The following BHLHE22 variants were observed in gnomAD, a reference collection of about 807,000 sequenced individuals.
The protein encoded by BHLHE22 is basic helix-loop-helix family member e22, also known as class E basic helix-loop-helix protein 22.
A neutral mutation model predicts 17.6 loss-of-function variants in BHLHE22; 8 were observed. The ratio of observed to expected loss-of-function variants is 0.45; its 90% CI spans 0.27 to 0.82. The LOEUF (loss-of-function observed/expected upper bound fraction) is 0.82. Ranked by LOEUF, BHLHE22 falls within the 40% of genes least tolerant of loss-of-function variation. The pLI, the probability that BHLHE22 is intolerant of heterozygous loss-of-function variation, is 0.16. For synonymous variants in BHLHE22, 353 were observed against 282.7 expected (o/e 1.25, Z -2.49); for missense variants, 570 against 581.5 (o/e 0.98, Z 0.20).
At position 64,581,420 on chromosome 8, in the gene BHLHE22, C is replaced by T; in HGVS notation, c.630C>T (p.Ser210=). 4 of 1,535,624 alleles carry T rather than the reference C, an allele frequency of 2.6e-6. No homozygotes were observed. Among genetic ancestry groups the T allele is most frequent in the Non-Finnish European group, 3.5e-6 (4 of 1,146,138 alleles). The change falls in exon 1 of 1, where the codon AGC becomes AGT. Residue 210 remains serine, a synonymous_variant. Coordinates refer to ENST00000321870, the MANE Select transcript of BHLHE22 (RefSeq NM_152414.5). The surrounding 1 kb of genome is among the most constrained non-coding windows in gnomAD (Gnocchi z 6.4). The part of the protein sequence containing the change: ...LGGGGGGGSS[S]GSSGGGGGSG... Reference sequence around the variant, plus strand: ...GCGGCGGCGGCGGGGGTAGCAGCAGCGGTAGCAGTGGCGGCGGTGGCGGTA... The same window carrying T: ...GCGGCGGCGGCGGGGGTAGCAGCAGTGGTAGCAGTGGCGGCGGTGGCGGTA...
rs1232631346 is a variant in BHLHE22, at chr8:64,581,436, G to T, written c.646G>T (p.Gly216Cys). Reference sequence around the variant, plus strand: ...TAGCAGCAGCGGTAGCAGTGGCGGCGGTGGCGGTAGCGGTAGCGGCAGCGG... The same window carrying T: ...TAGCAGCAGCGGTAGCAGTGGCGGCTGTGGCGGTAGCGGTAGCGGCAGCGG... ...GGSSSGSSGG[G>C]GGSGSGSGGS... The change falls in exon 1 of 1, where the codon GGT (glycine) becomes TGT (cysteine). Residue 216 changes from glycine to cysteine, a missense_variant. Gly to Cys is a radical substitution (Grantham distance 159). Coordinates refer to ENST00000321870, the MANE Select transcript of BHLHE22 (RefSeq NM_152414.5). The surrounding 1 kb of genome is among the most constrained non-coding windows in gnomAD (Gnocchi z 6.4). The T allele has an allele frequency of 6.5e-7, 1 of 1,536,592 alleles. No individual in the cohort carries two copies. The highest frequency in any genetic ancestry group is 8.7e-7 in the Non-Finnish European group (1 of 1,146,170).
rs1804919265 is a variant in BHLHE22, at chr8:64,582,473, G to A, written c.*537G>A. 5.9e-6 allele frequency: 1 copy of A among 168,674 alleles called. No homozygotes were observed. 10.4% of individuals were successfully genotyped at this position (168,674 alleles called of 1,614,324 possible). A position where few individuals can be genotyped will look rare whatever the true frequency, so the allele number is the denominator to read the frequency against. On this transcript the variant is annotated 3_prime_UTR_variant, in exon 1 of 1. Transcript: ENST00000321870. Reference sequence around the variant, plus strand: ...CTGAGCCAGGAGAAAAACTTGAAATGTTGACTTAAGTGAGGGGGAAATAAA... The same window carrying A: ...CTGAGCCAGGAGAAAAACTTGAAATATTGACTTAAGTGAGGGGGAAATAAA...
rs1479703146 is a variant in BHLHE22, at chr8:64,582,854, G to A, written c.*918G>A. ...TATGCTGTGTGCCAAGTGTTTAAAG[G>A]TTTATTTGCCAACAAGTATGAAGAG... is the stretch of plus-strand genomic sequence containing the variant. On this transcript the variant is annotated 3_prime_UTR_variant, in exon 1 of 1. Coordinates refer to ENST00000321870, the MANE Select transcript of BHLHE22 (RefSeq NM_152414.5). 2 of 166,884 alleles carry A rather than the reference G, an allele frequency of 1.2e-5. No individual in the cohort carries two copies. The highest frequency in any genetic ancestry group is 2.4e-5 in the African/African-American group (1 of 41,398). 10.3% of individuals were successfully genotyped at this position (166,884 alleles called of 1,614,324 possible).
chr8:64,580,742 GGCGGCGGCAGCGGGC>G lies in BHLHE22; in HGVS notation c.-40_-26del, dbSNP rs1158594217. 1.8e-5 allele frequency: 19 copies of G among 1,040,440 alleles called. 1 individual carries two copies. Among genetic ancestry groups the G allele is most frequent in the African/African-American group, 1.7e-5 (1 of 58,084 alleles). The allele number at this position is 1,040,440 out of a possible 1,614,324, so 64.5% of individuals were successfully genotyped here. A position where few individuals can be genotyped will look rare whatever the true frequency, so the allele number is the denominator to read the frequency against. On this transcript the variant is annotated 5_prime_UTR_variant, in exon 1 of 1. Coordinates refer to ENST00000321870, the MANE Select transcript of BHLHE22 (RefSeq NM_152414.5). Reference sequence around the variant, plus strand: ...CGCCTGACTCCGGGGCCGAGGCGGCGGCGGCGGCAGCGGGCGCGGCGGCCCGGGCTGCGCGCCGGC... The same window carrying G: ...CGCCTGACTCCGGGGCCGAGGCGGCGGCGGCGGCCCGGGCTGCGCGCCGGC...
Position 64,580,828 on chromosome 8 carries a change from G to T in BHLHE22, c.38G>T (p.Gly13Val), listed in dbSNP as rs781396554. Residue 13 changes from glycine to valine, a missense_variant, in exon 1 of 1, where the codon GGC becomes GTC. Transcript: ENST00000321870. ...ATGCACCTCGGTGCAGCGGCCGCCGGCGAGGACGACCTCTTCCTGCACAAG... is the reference window on the plus strand; with the variant it reads ...ATGCACCTCGGTGCAGCGGCCGCCGTCGAGGACGACCTCTTCCTGCACAAG... Reference protein sequence around the residue: ...RGMHLGAAAAGEDDLFLHKSL... With the variant: ...RGMHLGAAAAVEDDLFLHKSL... 1 of 1,459,462 alleles carries T rather than the reference G, an allele frequency of 6.9e-7. No homozygotes were observed. The highest frequency in any genetic ancestry group is 9.0e-7 in the Non-Finnish European group (1 of 1,110,274). 90.4% of individuals were successfully genotyped at this position (1,459,462 alleles called of 1,614,324 possible). A position where few individuals can be genotyped will look rare whatever the true frequency, so the allele number is the denominator to read the frequency against.
In BHLHE22 at chr8:64,580,895, C is replaced by G. The variant is rs768107179; in HGVS notation, c.105C>G (p.Phe35Leu). 2 of 1,521,440 alleles carry G rather than the reference C, an allele frequency of 1.3e-6. No individual in the cohort carries two copies. Among genetic ancestry groups the G allele is most frequent in the Admixed American group, 4.2e-5 (2 of 48,142 alleles). The allele number at this position is 1,521,440 out of a possible 1,614,324, so 94.2% of individuals were successfully genotyped here. The change falls in exon 1 of 1, where the codon TTC (phenylalanine) becomes TTG (leucine). Residue 35 changes from phenylalanine (F) to leucine (L), a missense_variant. Phe to Leu is a conservative substitution (Grantham distance 22, BLOSUM62 0). Around this residue, in one of 3 missense-constraint regions of BHLHE22, gnomAD observed 427 missense variants for 376.2 expected, o/e 1.14. Transcript: ENST00000321870. ...CCTCCAAGCGCTTGGAAGCGGCTTT[C>G]CGCTCCACGCCCCCGGGCATGGACC... ...ASTSKRLEAAFRSTPPGMDLS... is the reference protein window; with the variant it reads ...ASTSKRLEAALRSTPPGMDLS...
chr8:64,581,055 G>T lies in BHLHE22; in HGVS notation c.265G>T (p.Gly89Ter). 7.5e-7 allele frequency: 1 copy of T among 1,326,232 alleles called. No homozygotes were observed. Among genetic ancestry groups the T allele is most frequent in the Non-Finnish European group, 9.5e-7 (1 of 1,049,176 alleles). The allele number at this position is 1,326,232 out of a possible 1,614,324, so 82.2% of individuals were successfully genotyped here. Residue 89 changes from glycine (G) to a stop codon, truncating the protein, a stop_gained, in exon 1 of 1, where the codon GGA (glycine) becomes TGA (stop). Coordinates refer to ENST00000321870, the MANE Select transcript of BHLHE22 (RefSeq NM_152414.5). LOFTEE classifies it high-confidence loss of function. This position sits in a 1 kb window ranked among gnomAD's most constrained non-coding sequence, Gnocchi z 6.4. ...PPGGGGGGSA[G>*]SGGGGGGGVG... ...TGGAGGAGGCGGCGGCGGCAGCGCG[G>T]GAAGTGGCGGCGGCGGCGGCGGCGG...
At position 64,582,266 on chromosome 8, in the gene BHLHE22, T is replaced by C; in HGVS notation, c.*330T>C. The stretch of plus-strand genomic sequence containing the variant: ...TCTTCCTTAAAGGTGAAACATAAGT[T>C]GAGAAGTAGTGCTTGGTTATTAAGC... On this transcript the variant is annotated 3_prime_UTR_variant, in exon 1 of 1. Transcript: ENST00000321870. 2.6e-6 allele frequency: 1 copy of C among 385,064 alleles called. No individual in the cohort carries two copies. 23.9% of individuals were successfully genotyped at this position (385,064 alleles called of 1,614,324 possible). A position where few individuals can be genotyped will look rare whatever the true frequency, so the allele number is the denominator to read the frequency against.
chr8:64,580,947 C>G lies in BHLHE22; in HGVS notation c.157C>G (p.Arg53Gly). 2.1e-6 allele frequency: 3 copies of G among 1,461,532 alleles called. No homozygotes were observed. The highest frequency in any genetic ancestry group is 2.7e-6 in the Non-Finnish European group (3 of 1,113,118). The allele number at this position is 1,461,532 out of a possible 1,614,324, so 90.5% of individuals were successfully genotyped here. A position where few individuals can be genotyped will look rare whatever the true frequency, so the allele number is the denominator to read the frequency against. The part of the protein sequence containing the change: ...DLSLAPPPRE[R>G]PASSSSSPLG... ...GTCCCTGGCGCCGCCGCCTCGGGAACGCCCGGCGTCCTCCTCCTCGTCGCC... is the reference window on the plus strand; with the variant it reads ...GTCCCTGGCGCCGCCGCCTCGGGAAGGCCCGGCGTCCTCCTCCTCGTCGCC... The change falls in exon 1 of 1, where the codon CGC (arginine) becomes GGC (glycine). Residue 53 changes from arginine to glycine, a missense_variant. Physicochemically the swap from Arg to Gly is moderately radical, Grantham distance 125. This residue lies in a region of BHLHE22 where 427 missense variants were observed against 376.2 expected (regional missense o/e 1.14). Transcript: ENST00000321870.
At position 64,580,666 on chromosome 8, in the gene BHLHE22, G is replaced by T; in HGVS notation, c.-125G>T. The stretch of plus-strand genomic sequence containing the variant: ...GGGAGAGGGCTCCCGGCAGCACCAG[G>T]ACCGACGCGCGCACCAGCTCCGGAG... On this transcript the variant is annotated 5_prime_UTR_variant, in exon 1 of 1. Transcript: ENST00000321870. 2.3e-6 allele frequency: 1 copy of T among 437,618 alleles called. No individual in the cohort carries two copies. The highest frequency in any genetic ancestry group is 9.1e-5 in the South Asian group (1 of 11,028). 27.1% of individuals were successfully genotyped at this position (437,618 alleles called of 1,614,324 possible).
At position 64,581,148 on chromosome 8, in the gene BHLHE22, C is replaced by T; in HGVS notation, c.358C>T (p.Pro120Ser). 2 of 1,407,332 alleles carry T rather than the reference C, an allele frequency of 1.4e-6. No homozygotes were observed. The highest frequency in any genetic ancestry group is 9.2e-7 in the Non-Finnish European group (1 of 1,091,140). The allele number at this position is 1,407,332 out of a possible 1,614,324, so 87.2% of individuals were successfully genotyped here. Reference sequence around the variant, plus strand: ...GGGCGACCCTAGCCTAAGCAGCCTGCCGGCCGGGGCCGCCCTTTGCCTCAA... The same window carrying T: ...GGGCGACCCTAGCCTAAGCAGCCTGTCGGCCGGGGCCGCCCTTTGCCTCAA... ...VGGDPSLSSL[P>S]AGAALCLKYG... The change falls in exon 1 of 1, where the codon CCG becomes TCG. Residue 120 changes from proline to serine, a missense_variant. Around this residue, in one of 3 missense-constraint regions of BHLHE22, gnomAD observed 427 missense variants for 376.2 expected, o/e 1.14. Transcript: ENST00000321870. The surrounding 1 kb of genome is among the most constrained non-coding windows in gnomAD (Gnocchi z 6.4).
Position 64,582,298 on chromosome 8 carries a change from AGT to A in BHLHE22, c.*365_*366del, listed in dbSNP as rs1323578032. 3 of 327,118 alleles carry A rather than the reference AGT, an allele frequency of 9.2e-6. No homozygotes were observed. Among genetic ancestry groups the A allele is most frequent in the Non-Finnish European group, 1.8e-5 (3 of 168,964 alleles). The allele number at this position is 327,118 out of a possible 1,614,324, so 20.3% of individuals were successfully genotyped here. A position where few individuals can be genotyped will look rare whatever the true frequency, so the allele number is the denominator to read the frequency against. On this transcript the variant is annotated 3_prime_UTR_variant, in exon 1 of 1. Coordinates refer to ENST00000321870, the MANE Select transcript of BHLHE22 (RefSeq NM_152414.5). ...TAGTGCTTGGTTATTAAGCCTGGAG[AGT>A]GTTTGAATGGCAAAATACTAATCCT...
rs1250941176 is a variant in BHLHE22 at position 64,582,721 on chromosome 8, G to C, written c.*785G>C. On this transcript the variant is annotated 3_prime_UTR_variant, in exon 1 of 1. Transcript: ENST00000321870. ...TATTAACAATTCATGGTATTTATTTGTTATTCTTCAATGACCCTTCCACAT... is the reference window on the plus strand; with the variant it reads ...TATTAACAATTCATGGTATTTATTTCTTATTCTTCAATGACCCTTCCACAT... 1 of 166,922 alleles carries C rather than the reference G, an allele frequency of 6.0e-6. No homozygotes were observed. The highest frequency in any genetic ancestry group is 1.5e-5 in the Non-Finnish European group (1 of 68,088). The allele number at this position is 166,922 out of a possible 1,614,324, so 10.3% of individuals were successfully genotyped here.
Position 64,583,548 on chromosome 8 carries a change from T to C in BHLHE22, c.*1612T>C, listed in dbSNP as rs900910764. 2.4e-5 allele frequency: 4 copies of C among 167,094 alleles called. No individual in the cohort carries two copies. Among genetic ancestry groups the C allele is most frequent in the Non-Finnish European group, 5.9e-5 (4 of 68,134 alleles). The allele number at this position is 167,094 out of a possible 1,614,324, so 10.4% of individuals were successfully genotyped here. A position where few individuals can be genotyped will look rare whatever the true frequency, so the allele number is the denominator to read the frequency against. On this transcript the variant is annotated 3_prime_UTR_variant, in exon 1 of 1. Coordinates refer to ENST00000321870, the MANE Select transcript of BHLHE22 (RefSeq NM_152414.5). ...ATGATATATATATTAAATAGGTCAATCAGACTATGACAGCTATGTACGACC... is the reference window on the plus strand; with the variant it reads ...ATGATATATATATTAAATAGGTCAACCAGACTATGACAGCTATGTACGACC...
Position 64,581,460 on chromosome 8 carries a change from GGCGGCAGCAGCAGCAGCA to G in BHLHE22, c.673_690del (p.Gly225_Ser230del), listed in dbSNP as rs1253915764. The G allele has an allele frequency of 6.5e-7, 1 of 1,529,470 alleles. No homozygotes were observed. Among genetic ancestry groups the G allele is most frequent in the East Asian group, 2.4e-5 (1 of 40,998 alleles). The allele number at this position is 1,529,470 out of a possible 1,614,324, so 94.7% of individuals were successfully genotyped here. ...CGGTGGCGGTAGCGGTAGCGGCAGC[GGCGGCAGCAGCAGCAGCA>G]GCAGCAGCAGCAGCAAGAAATCCAA... On this transcript the variant is annotated inframe_deletion, in exon 1 of 1. Transcript: ENST00000321870. This position sits in a 1 kb window ranked among gnomAD's most constrained non-coding sequence, Gnocchi z 6.4.
chr8:64,581,412 A>T lies in BHLHE22; in HGVS notation c.622A>T (p.Ser208Cys). The stretch of plus-strand genomic sequence containing the variant: ...CCTGGGCGGCGGCGGCGGCGGGGGT[A>T]GCAGCAGCGGTAGCAGTGGCGGCGG... Reference protein sequence around the residue: ...GGLGGGGGGGSSSGSSGGGGG... With the variant: ...GGLGGGGGGGCSSGSSGGGGG... Residue 208 changes from serine to cysteine, a missense_variant, in exon 1 of 1, where the codon AGC becomes TGC. This residue lies in a region of BHLHE22 where 427 missense variants were observed against 376.2 expected (regional missense o/e 1.14). Coordinates refer to ENST00000321870, the MANE Select transcript of BHLHE22 (RefSeq NM_152414.5). This position sits in a 1 kb window ranked among gnomAD's most constrained non-coding sequence, Gnocchi z 6.4. 1 of 1,531,282 alleles carries T rather than the reference A, an allele frequency of 6.5e-7. No homozygotes were observed. The highest frequency in any genetic ancestry group is 8.7e-7 in the Non-Finnish European group (1 of 1,144,290). The allele number at this position is 1,531,282 out of a possible 1,614,324, so 94.9% of individuals were successfully genotyped here.
In BHLHE22 at chr8:64,581,665, A is replaced by G. The variant is rs746461876; in HGVS notation, c.875A>G (p.Tyr292Cys). The G allele has an allele frequency of 1.2e-6, 2 of 1,612,912 alleles. No individual in the cohort carries two copies. The highest frequency in any genetic ancestry group is 1.7e-6 in the Non-Finnish European group (2 of 1,179,740). ...KIATLLLAKN[Y>C]ILMQAQALEE... Reference sequence around the variant, plus strand: ...GCCACGCTGCTGCTCGCCAAGAACTACATCCTCATGCAGGCGCAGGCCCTG... The same window carrying G: ...GCCACGCTGCTGCTCGCCAAGAACTGCATCCTCATGCAGGCGCAGGCCCTG... Residue 292 changes from tyrosine to cysteine, a missense_variant, in exon 1 of 1, where the codon TAC becomes TGC. Tyr to Cys is a radical substitution (Grantham distance 194). Coordinates refer to ENST00000321870, the MANE Select transcript of BHLHE22 (RefSeq NM_152414.5). The surrounding 1 kb of genome is among the most constrained non-coding windows in gnomAD (Gnocchi z 6.4).
Position 64,581,955 on chromosome 8 carries a change from C to A in BHLHE22, c.*19C>A, listed in dbSNP as rs1366928683. ...GCCTTAAACACACCCCCGAAAAACA[C>A]AAGACCGACCCAAAATCTAGAGGAA... On this transcript the variant is annotated 3_prime_UTR_variant, in exon 1 of 1. Coordinates refer to ENST00000321870, the MANE Select transcript of BHLHE22 (RefSeq NM_152414.5). The surrounding 1 kb of genome is among the most constrained non-coding windows in gnomAD (Gnocchi z 6.4). 6.2e-7 allele frequency: 1 copy of A among 1,609,576 alleles called. No individual in the cohort carries two copies. Among genetic ancestry groups the A allele is most frequent in the Admixed American group, 1.7e-5 (1 of 59,330 alleles).
In BHLHE22 at chr8:64,581,421, G is replaced by C. The variant is rs1273988581; in HGVS notation, c.631G>C (p.Gly211Arg). 2.6e-6 allele frequency: 4 copies of C among 1,535,880 alleles called. No individual in the cohort carries two copies. The highest frequency in any genetic ancestry group is 1.7e-6 in the Non-Finnish European group (2 of 1,146,276). Residue 211 changes from glycine to arginine, a missense_variant, in exon 1 of 1, where the codon GGT (glycine) becomes CGT (arginine). Gly to Arg is a moderately radical substitution (Grantham distance 125, BLOSUM62 -2). Around this residue, in one of 3 missense-constraint regions of BHLHE22, gnomAD observed 427 missense variants for 376.2 expected, o/e 1.14. Transcript: ENST00000321870. This position sits in a 1 kb window ranked among gnomAD's most constrained non-coding sequence, Gnocchi z 6.4. ...CGGCGGCGGCGGGGGTAGCAGCAGCGGTAGCAGTGGCGGCGGTGGCGGTAG... is the reference window on the plus strand; with the variant it reads ...CGGCGGCGGCGGGGGTAGCAGCAGCCGTAGCAGTGGCGGCGGTGGCGGTAG... ...GGGGGGGSSS[G>R]SSGGGGGSGS...
Sources: allele counts gnomAD v4.1 joint callset, GRCh38; gene constraint gnomAD v4.1.1; regional missense constraint gnomAD v4.1.1; non-coding constraint Gnocchi (gnomAD v3.1); transcripts MANE v1.5; gene names NCBI Gene and HGNC (gene_info 2026-07-23, HGNC 2026-07-21).